Variants in MGAT4A observed in about 807,000 individuals in gnomAD.
MGAT4A encodes the protein N-acetylglucosaminyltransferase IVa.
Under a neutral mutation model 74.1 loss-of-function variants are expected in MGAT4A, and 33 were observed. The observed-to-expected ratio is 0.45, with a 90% CI of 0.34 to 0.60. The LOEUF is 0.60. Among genes scored for constraint, MGAT4A ranks in the 20% least tolerant of loss-of-function variants. The pLI, the probability that MGAT4A is intolerant of heterozygous loss-of-function variation, is 0.02. For missense variants in MGAT4A, 479 were observed against 628.3 expected (o/e 0.76, Z 2.54); for synonymous variants, 198 against 210.4 (o/e 0.94, Z 0.51).
In MGAT4A at chr2:98,622,614, G is replaced by T; in HGVS notation, c.*2952C>A. 2.0e-6 allele frequency: 2 copies of T among 985,464 alleles called. No individual in the cohort carries two copies. The highest frequency in any genetic ancestry group is 2.4e-6 in the Non-Finnish European group (2 of 830,026). 61.0% of individuals were successfully genotyped at this position (985,464 alleles called of 1,614,324 possible). A position where few individuals can be genotyped will look rare whatever the true frequency, so the allele number is the denominator to read the frequency against. On this transcript the variant is annotated 3_prime_UTR_variant, in exon 16 of 16. Transcript: ENST00000393487. ...CGACCACTACAATTTCCTGCTTGGG[G>T]AAAGGATGGCTGCTTCTACTAGTTG...
intron 2 of MGAT4A, among the ~76,000 whole-genome samples, chr2:98,693,871 A>C (rs1310865761): frequency 6.6e-6 from 1 of 152,258 alleles, no homozygotes; most frequent in Non-Finnish European, 1.5e-5. Flanking sequence ...CAGATGCATC[A>C]AAATGGAATT....
At chr2:98,649,156 A>T (rs1054905505) in intron 8 of MGAT4A, among the ~76,000 whole-genome samples, 4 of 152,258 alleles carry the variant, frequency 2.6e-5, no homozygotes, top group African/African-American at 9.6e-5. Flanking sequence ...GAAGGGATTA[A>T]AAATCACACC....
intron 2 of MGAT4A, among the ~76,000 whole-genome samples, chr2:98,722,067 A>G (rs577451739): frequency 6.6e-6 from 1 of 152,376 alleles, no homozygotes; most frequent in South Asian, 2.1e-4. Context: ...TACAGGTCTC[A>G]TCACTTTGAA....
At chr2:98,701,587 A>C (rs1702356832) in intron 2 of MGAT4A, among the ~76,000 whole-genome samples, 1 of 152,156 alleles carries the variant, frequency 6.6e-6, no homozygotes, top group Non-Finnish European at 1.5e-5. Flanking sequence ...ACCTGGAAAA[A>C]TTAGATTAGG....
chr2:98,697,620 G>A (rs1020171446), intron 2 of MGAT4A, among the ~76,000 whole-genome samples: 1 of 152,184 alleles, frequency 6.6e-6, no homozygotes, highest in African/African-American at 2.4e-5. Flanking sequence ...AGTTTGCACT[G>A]TATCTCTCTG....
At chr2:98,662,248 A>G (rs1189950355) in intron 5 of MGAT4A, among the ~76,000 whole-genome samples, 1 of 152,246 alleles carries the variant, frequency 6.6e-6, no homozygotes, top group Non-Finnish European at 1.5e-5. Flanking sequence ...GATACCCTCT[A>G]TAATTTCTGC....
chr2:98,633,539 C>T (rs1282270124), intron 14 of MGAT4A, among the ~76,000 whole-genome samples: 1 of 152,162 alleles, frequency 6.6e-6, no homozygotes, highest in African/African-American at 2.4e-5. Context: ...GGAAGCTCCT[C>T]ATACACAATT....
chr2:98,698,185 A>G (rs1268222127), intron 2 of MGAT4A, among the ~76,000 whole-genome samples: 2 of 152,140 alleles, frequency 1.3e-5, no homozygotes, highest in Admixed American at 6.5e-5. Context: ...AGGCTAAGAG[A>G]GGCAGATCAT....
At chr2:98,687,956 A>G (rs1210623371) in intron 2 of MGAT4A, among the ~76,000 whole-genome samples, 1 of 152,136 alleles carries the variant, frequency 6.6e-6, no homozygotes. Context: ...CTGCCTCACT[A>G]CAGGTGAGGC....
At chr2:98,636,062 TA>T (rs1482007183) in intron 13 of MGAT4A, among the ~76,000 whole-genome samples, 1 of 151,640 alleles carries the variant, frequency 6.6e-6, no homozygotes, top group Non-Finnish European at 1.5e-5. Flanking sequence ...GAAACGTTCA[TA>T]TTATTTGCAA....
At chr2:98,662,150 G>A (rs932528912) in intron 5 of MGAT4A, among the ~76,000 whole-genome samples, 6 of 152,178 alleles carry the variant, frequency 3.9e-5, no homozygotes, top group Admixed American at 2.0e-4. Flanking sequence ...TAGTTTGGTT[G>A]AGTATTATAT....
chr2:98,673,961 CAATA>C (rs1371898700), intron 4 of MGAT4A, among the ~76,000 whole-genome samples: 2 of 152,148 alleles, frequency 1.3e-5, no homozygotes, highest in Admixed American at 1.3e-4. Context: ...TGCCTGGCTT[CAATA>C]AATATTTTTT....
intron 2 of MGAT4A, 150 bp downstream of exon 2, chr2:98,726,089 T>G (rs1017062682): frequency 3.5e-6 from 2 of 565,954 alleles, no homozygotes; most frequent in African/African-American, 3.7e-5. Flanking sequence ...TGTCCAAGAA[T>G]ACTGTTTCAT....
In MGAT4A at chr2:98,629,757, G is replaced by T. The variant is rs143899591; in HGVS notation, c.1469-3922C>A. On this transcript the variant is annotated intron_variant, in intron 14 of 15. Coordinates refer to ENST00000393487, the MANE Select transcript of MGAT4A (RefSeq NM_012214.3). Reference sequence around the variant, plus strand: ...CTTCAGTCGAAGAAAAAATAAAAAAGAATAAGCCAGCCACAGTCGCTCACA... The same window carrying T: ...CTTCAGTCGAAGAAAAAATAAAAAATAATAAGCCAGCCACAGTCGCTCACA... 7.1e-3 allele frequency among the ~76,000 whole-genome samples: 1,078 copies of T among 152,160 alleles called. 19 individuals are homozygous for T. The highest frequency in any genetic ancestry group is 0.024 in the African/African-American group (1,005 of 41,518).
intron 2 of MGAT4A, among the ~76,000 whole-genome samples, chr2:98,696,464 C>T (rs1014232407): frequency 1.4e-4 from 21 of 152,340 alleles, no homozygotes; most frequent in African/African-American, 5.1e-4. Context: ...AATTCACTTA[C>T]ACCTCCTGCC....
At position 98,675,140 on chromosome 2, in the gene MGAT4A, T is replaced by G; in HGVS notation, c.298A>C (p.Lys100Gln). The G allele has an allele frequency of 6.2e-7, 1 of 1,610,714 alleles. No individual in the cohort carries two copies. Among genetic ancestry groups the G allele is most frequent in the Non-Finnish European group, 8.5e-7 (1 of 1,177,840 alleles). The change falls in exon 4 of 16, where the codon AAA becomes CAA. Residue 100 changes from lysine (K) to glutamine (Q), a missense_variant. This residue lies in a region of MGAT4A where 205 missense variants were observed against 232.7 expected (regional missense o/e 0.88). Transcript: ENST00000393487. ...ATACTTGGCACTTGAAGAGATTTTTTGCTTGTTAACTCCTTTAACAGCTTT... is the reference window on the plus strand; with the variant it reads ...ATACTTGGCACTTGAAGAGATTTTTGGCTTGTTAACTCCTTTAACAGCTTT... The part of the protein sequence containing the change: ...TLKLLKELTS[K>Q]KSLQVPSIYY...
At chr2:98,687,823 T>G (rs1299227887) in intron 2 of MGAT4A, among the ~76,000 whole-genome samples, 1 of 152,166 alleles carries the variant, frequency 6.6e-6, no homozygotes, top group Non-Finnish European at 1.5e-5. Context: ...CGGCTAGTGC[T>G]TCCAGGCTGC....
intron 8 of MGAT4A, among the ~76,000 whole-genome samples, chr2:98,647,950 G>A (rs1285102980): frequency 6.6e-6 from 1 of 152,124 alleles, no homozygotes; most frequent in East Asian, 1.9e-4. Flanking sequence ...TATGACGTCT[G>A]GAATAAATTC....
chr2:98,635,107 C>G lies in MGAT4A; in HGVS notation c.1468+115G>C, dbSNP rs550764695. 10 of 735,582 alleles carry G rather than the reference C, an allele frequency of 1.4e-5. No homozygotes were observed. In the South Asian group the frequency reaches 1.9e-4, roughly 14 times the overall value. The allele number at this position is 735,582 out of a possible 1,614,324, so 45.6% of individuals were successfully genotyped here. On this transcript the variant is annotated intron_variant, in intron 14 of 15. Transcript: ENST00000393487. ...TACTACAACACAGCACACATAAAAC[C>G]TGGAGGACACTGGTAATTGTAATCC...
Sources: gnomAD v4.1 joint callset for allele counts (sites outside exome capture counted in the v4.1 genomes callset) on GRCh38, gnomAD v4.1.1 for gene constraint, gnomAD v4.1.1 regional missense constraint, MANE v1.5 for transcripts, NCBI Gene and HGNC (gene_info 2026-07-23, HGNC 2026-07-21) for gene names.